The following FRA10AC1 variants were observed in gnomAD, a reference collection of about 807,000 sequenced individuals.
The protein encoded by FRA10AC1 is protein FRA10AC1.
Under a neutral mutation model 56.5 loss-of-function variants are expected in FRA10AC1, and 43 were observed. That is an observed-to-expected ratio of 0.76 (90% CI 0.60 to 0.98). The LOEUF is 0.98. FRA10AC1 is among the 50% of genes least tolerant of loss of function. The pLI, the probability that FRA10AC1 is intolerant of heterozygous loss-of-function variation, is 0.00. For synonymous variants in FRA10AC1, 112 were observed against 110.5 expected (o/e 1.01, Z -0.09); for missense variants, 346 against 351.8 (o/e 0.98, Z 0.13).
At chr10:93,677,969 G>A (rs1322437041) in intron 11 of FRA10AC1, among the ~76,000 whole-genome samples, 3 of 152,198 alleles carry the variant, frequency 2.0e-5, no homozygotes, top group Non-Finnish European at 4.4e-5. Context: ...TGCCTCCTAT[G>A]GGAGCAAGCA....
intron 5 of FRA10AC1, among the ~76,000 whole-genome samples, chr10:93,694,112 CA>C (rs199963066): frequency 0.019 from 2,931 of 151,892 alleles, 46 homozygotes; most frequent in Middle Eastern, 0.031. Context: ...AAAAACAAAA[CA>C]AAACAAAAAA....
chr10:93,694,237 T>C (rs2059189807), intron 5 of FRA10AC1, among the ~76,000 whole-genome samples: 1 of 152,130 alleles, frequency 6.6e-6, no homozygotes, highest in Non-Finnish European at 1.5e-5. Context: ...CATCAAGGTA[T>C]AAAAATTTCC....
At chr10:93,696,304 C>G (rs560337199) in intron 4 of FRA10AC1, among the ~76,000 whole-genome samples, 2 of 152,142 alleles carry the variant, frequency 1.3e-5, no homozygotes, top group African/African-American at 4.8e-5. Flanking sequence ...ACTAAAAAAT[C>G]GTCAACAAAA....
At chr10:93,698,984 C>A (rs938671495) in intron 2 of FRA10AC1, among the ~76,000 whole-genome samples, 6 of 152,296 alleles carry the variant, frequency 3.9e-5, no homozygotes, top group African/African-American at 1.4e-4. Context: ...TTCAGGCCAA[C>A]AATGTGAACC....
intron 8 of FRA10AC1, among the ~76,000 whole-genome samples, chr10:93,686,024 C>T (rs979030329): frequency 2.6e-5 from 4 of 151,694 alleles, no homozygotes; most frequent in Non-Finnish European, 5.9e-5. Context: ...AAAAGACTAA[C>T]TGATAACCTG....
In FRA10AC1 at chr10:93,681,783, A is replaced by G. The variant is rs142903469; in HGVS notation, c.669-185T>C. Among the ~76,000 whole-genome samples the G allele has an allele frequency of 2.3e-3, 356 of 152,230 alleles. 2 individuals carry two copies. Among genetic ancestry groups the G allele is most frequent in the African/African-American group, 7.8e-3 (324 of 41,570 alleles). On this transcript the variant is annotated intron_variant, in intron 10 of 13. Coordinates refer to ENST00000359204, the MANE Select transcript of FRA10AC1 (RefSeq NM_145246.5). ...CTTGTATATTAATTAAAATCATTCT[A>G]TAAGATAATGAAGTCTTAACACTGA...
At chr10:93,688,805 A>T (rs2059074613) in intron 7 of FRA10AC1, among the ~76,000 whole-genome samples, 1 of 152,136 alleles carries the variant, frequency 6.6e-6, no homozygotes, top group Admixed American at 6.6e-5. Context: ...AAACAAACAA[A>T]CAAAAACTAC....
chr10:93,680,910 A>G (rs547655340), intron 11 of FRA10AC1, among the ~76,000 whole-genome samples: 2 of 152,348 alleles, frequency 1.3e-5, no homozygotes, highest in South Asian at 4.1e-4. Flanking sequence ...AGTTCTAAGT[A>G]TAGGTGCACA....
At position 93,690,090 on chromosome 10, in the gene FRA10AC1, T is replaced by G. The variant is rs531795941; in HGVS notation, c.465+1919A>C. Among the ~76,000 whole-genome samples the G allele has an allele frequency of 8.1e-4, 123 of 152,252 alleles. 1 individual carries two copies. Among genetic ancestry groups the G allele is most frequent in the Admixed American group, 8.0e-3 (123 of 15,280 alleles). ...GCTCTAAAAGTATCTACTATATATA[T>G]TAGGAGCTGGTTTTAATTAACTGAA... On this transcript the variant is annotated intron_variant, in intron 7 of 13. Coordinates refer to ENST00000359204, the MANE Select transcript of FRA10AC1 (RefSeq NM_145246.5).
intron 12 of FRA10AC1, chr10:93,673,707 C>A: frequency 2.5e-6 from 1 of 406,904 alleles, no homozygotes; most frequent in Non-Finnish European, 4.8e-6. Context: ...TCTCTGATAA[C>A]AATGATAGCT....
chr10:93,700,454 T>C (rs2059311827), intron 1 of FRA10AC1, among the ~76,000 whole-genome samples: 1 of 152,252 alleles, frequency 6.6e-6, no homozygotes, highest in Admixed American at 6.5e-5. Context: ...ATAATCACTG[T>C]GTGTTTATCA....
intron 4 of FRA10AC1, among the ~76,000 whole-genome samples, chr10:93,695,272 C>T (rs1342093647): frequency 6.6e-6 from 1 of 151,768 alleles, no homozygotes; most frequent in Non-Finnish European, 1.5e-5. Flanking sequence ...CTAATAATCA[C>T]AATATGAAAA....
intron 7 of FRA10AC1, among the ~76,000 whole-genome samples, chr10:93,690,964 C>T (rs1184760332): frequency 1.3e-5 from 2 of 152,160 alleles, no homozygotes; most frequent in Non-Finnish European, 2.9e-5. Flanking sequence ...ATTATTAAAT[C>T]AACCCTGGTT....
At chr10:93,673,235 A>G in intron 12 of FRA10AC1, 1 of 434,880 alleles carries the variant, frequency 2.3e-6, no homozygotes, top group Non-Finnish European at 4.6e-6. Context: ...GCCAACCCAG[A>G]GTCATAAAAA....
intron 9 of FRA10AC1, among the ~76,000 whole-genome samples, chr10:93,684,994 G>A (rs935044440): frequency 6.6e-6 from 1 of 152,114 alleles, no homozygotes; most frequent in Non-Finnish European, 1.5e-5. Flanking sequence ...AGTTAATGGG[G>A]ACGGAGCCCC....
rs573958406 is a variant in FRA10AC1, at chr10:93,695,561, A to G, written c.220-624T>C. Among the ~76,000 whole-genome samples, 3 of 152,274 alleles carry G rather than the reference A, an allele frequency of 2.0e-5. No individual in the cohort carries two copies. The South Asian group carries it at 6.2e-4, about 32-fold the overall frequency. ...TTTACTTTTTGTTTTAAAAAGCTCA[A>G]CAGCACTCTCTCTAGAGCCAAACAT... On this transcript the variant is annotated intron_variant, in intron 4 of 13. Coordinates refer to ENST00000359204, the MANE Select transcript of FRA10AC1 (RefSeq NM_145246.5).
chr10:93,693,653 T>C lies in FRA10AC1; in HGVS notation c.297-924A>G, dbSNP rs537599120. Among the ~76,000 whole-genome samples, 60 of 137,446 alleles carry C rather than the reference T, an allele frequency of 4.4e-4. 1 individual carries two copies. The highest frequency in any genetic ancestry group is 1.6e-3 in the African/African-American group (60 of 38,644). The allele number at this position is 137,446 out of a possible 152,430, so 90.2% of individuals were successfully genotyped here. A position where few individuals can be genotyped will look rare whatever the true frequency, so the allele number is the denominator to read the frequency against. ...ACCATATATATACACACCATATATA[T>C]ATACCATATATATATACACCATATA... On this transcript the variant is annotated intron_variant, in intron 5 of 13. Transcript: ENST00000359204.
intron 1 of FRA10AC1, among the ~76,000 whole-genome samples, chr10:93,701,666 C>T (rs183988628): frequency 6.6e-6 from 1 of 152,202 alleles, no homozygotes; most frequent in African/African-American, 2.4e-5. Context: ...TCTGTTATTG[C>T]CTTACACACC....
chr10:93,671,533 T>A (rs1022975534), intron 12 of FRA10AC1: 2 of 155,492 alleles, frequency 1.3e-5, no homozygotes, highest in African/African-American at 4.8e-5. Flanking sequence ...CTCTGATACA[T>A]ATGTACAAAG....
Sources: allele counts gnomAD v4.1 joint callset (sites outside exome capture counted in the v4.1 genomes callset), GRCh38; gene constraint gnomAD v4.1.1; transcripts MANE v1.5; gene names NCBI Gene and HGNC (gene_info 2026-07-23, HGNC 2026-07-21).